The following TNR variants were observed in gnomAD, a reference collection of about 807,000 sequenced individuals.
The protein encoded by TNR is tenascin R.
Under a neutral mutation model 150.4 loss-of-function variants are expected in TNR, and 45 were observed. The observed-to-expected ratio is 0.30, with a 90% CI of 0.24 to 0.38. The LOEUF is 0.38. Among genes scored for constraint, TNR ranks in the 10% least tolerant of loss-of-function variants. The probability of loss-of-function intolerance (pLI) is 1.00; values close to 1 mark genes in which losing one functional copy is unlikely to be tolerated. For synonymous variants in TNR, 687 were observed against 678.4 expected (o/e 1.01, Z -0.20); for missense variants, 1,544 against 1,759.1 (o/e 0.88, Z 2.19).
chr1:175,493,599 C>T lies in TNR; in HGVS notation c.-64+34670G>A, dbSNP rs1157907795. On this transcript the variant is annotated intron_variant, in intron 2 of 22. Transcript: ENST00000367674. ...CCACAGGACAGCCTCTGCCAGGCCC[C>T]CTTCCGGACCCTTCCAAAACCAAAG... Among the ~76,000 whole-genome samples, 5 of 152,246 alleles carry T rather than the reference C, an allele frequency of 3.3e-5. No individual in the cohort carries two copies. In the South Asian group the frequency reaches 1.0e-3, roughly 32 times the overall value.
In TNR at chr1:175,614,002, T is replaced by C. The variant is rs74759371; in HGVS notation, c.-164-85633A>G. On this transcript the variant is annotated intron_variant, in intron 1 of 22. Coordinates refer to ENST00000367674, the MANE Select transcript of TNR (RefSeq NM_003285.3). Reference sequence around the variant, plus strand: ...AGCTATGTGGTCCTAGGCAAGTTACTTAACTTTTCTAAGCCTCCGTTTCTT... The same window carrying C: ...AGCTATGTGGTCCTAGGCAAGTTACCTAACTTTTCTAAGCCTCCGTTTCTT... Among the ~76,000 whole-genome samples the C allele has an allele frequency of 2.0e-3, 308 of 152,330 alleles. 1 individual carries two copies. Among genetic ancestry groups the C allele is most frequent in the Non-Finnish European group, 2.2e-3 (152 of 68,030 alleles).
chr1:175,638,460 G>T (rs1664552149), intron 1 of TNR, among the ~76,000 whole-genome samples: 1 of 152,210 alleles, frequency 6.6e-6, no homozygotes, highest in South Asian at 2.1e-4. Context: ...TGGCTTCGCG[G>T]TAAGTGGGCA....
chr1:175,657,483 T>G (rs1459114896), intron 1 of TNR, among the ~76,000 whole-genome samples: 3 of 152,036 alleles, frequency 2.0e-5, no homozygotes, highest in Non-Finnish European at 4.4e-5. Flanking sequence ...ATGTTTATTG[T>G]GGCACTATTC....
chr1:175,707,452 A>C (rs1317308110), intron 1 of TNR, among the ~76,000 whole-genome samples: 1 of 152,238 alleles, frequency 6.6e-6, no homozygotes, highest in Non-Finnish European at 1.5e-5. Flanking sequence ...AAAATCAAAA[A>C]TCCATAGTAA....
At chr1:175,621,273 T>C (rs370169909) in intron 1 of TNR, among the ~76,000 whole-genome samples, 4 of 152,320 alleles carry the variant, frequency 2.6e-5, no homozygotes, top group Non-Finnish European at 1.5e-5. Flanking sequence ...GCTGCCAGAC[T>C]AATCTTCCTG....
At chr1:175,512,867 T>G (rs1028730221) in intron 2 of TNR, among the ~76,000 whole-genome samples, 1 of 152,172 alleles carries the variant, frequency 6.6e-6, no homozygotes, top group Non-Finnish European at 1.5e-5. Context: ...ACACTTCCCC[T>G]TTTAGGTAAG....
intron 1 of TNR, among the ~76,000 whole-genome samples, chr1:175,636,454 T>G (rs1337994703): frequency 6.6e-6 from 1 of 152,126 alleles, no homozygotes. Flanking sequence ...AGTTTCTCCC[T>G]GAGAAGCCCC....
chr1:175,522,853 T>C (rs1401066457), intron 2 of TNR, among the ~76,000 whole-genome samples: 1 of 152,222 alleles, frequency 6.6e-6, no homozygotes, highest in Non-Finnish European at 1.5e-5. Flanking sequence ...TTTGGGGAAA[T>C]CCAGACAATT....
chr1:175,459,718 C>G lies in TNR; in HGVS notation c.-63-52941G>C, dbSNP rs190970069. Among the ~76,000 whole-genome samples the G allele has an allele frequency of 3.6e-3, 543 of 152,294 alleles. 4 individuals are homozygous for G. The highest frequency in any genetic ancestry group is 6.5e-3 in the Non-Finnish European group (442 of 68,016). ...GGGGAGCCTGAGAAAGTCTGGCAGA[C>G]AGGGGCTGTTTCTCTCCCACTCAAA... On this transcript the variant is annotated intron_variant, in intron 2 of 22. Transcript: ENST00000367674.
At chr1:175,409,958 A>T (rs899855709) in intron 2 of TNR, among the ~76,000 whole-genome samples, 4 of 152,234 alleles carry the variant, frequency 2.6e-5, no homozygotes, top group East Asian at 3.8e-4. Context: ...ATATGTGATA[A>T]TGCAACACAC....
chr1:175,740,791 C>T (rs1667905488), intron 1 of TNR, among the ~76,000 whole-genome samples: 1 of 152,198 alleles, frequency 6.6e-6, no homozygotes, highest in Admixed American at 6.5e-5. Flanking sequence ...ACATTCAGAG[C>T]CACAGAGGAC....
chr1:175,700,821 C>T (rs533453243), intron 1 of TNR, among the ~76,000 whole-genome samples: 13 of 152,338 alleles, frequency 8.5e-5, no homozygotes, highest in South Asian at 8.3e-4. Context: ...GCATTCTTCA[C>T]GTCCCACCAG....
chr1:175,530,615 TTTGAC>T (rs1660024408), intron 1 of TNR, among the ~76,000 whole-genome samples: 1 of 152,270 alleles, frequency 6.6e-6, no homozygotes, highest in Non-Finnish European at 1.5e-5. Flanking sequence ...TGCAACTTGC[TTTGAC>T]TTAACATACA....
intron 1 of TNR, among the ~76,000 whole-genome samples, chr1:175,710,923 G>A (rs528522038): frequency 1.6e-4 from 24 of 152,160 alleles, no homozygotes; most frequent in South Asian, 8.3e-4. Context: ...TGACACAGGC[G>A]TGCCTTTGCT....
chr1:175,685,356 A>T (rs1014220599), intron 1 of TNR, among the ~76,000 whole-genome samples: 1 of 152,222 alleles, frequency 6.6e-6, no homozygotes, highest in Non-Finnish European at 1.5e-5. Flanking sequence ...TCCAGCTAAC[A>T]GTTCATTCAC....
intron 1 of TNR, among the ~76,000 whole-genome samples, chr1:175,670,569 G>A (rs12403473): frequency 0.46 from 69,908 of 152,002 alleles, 16,986 homozygotes; most frequent in Admixed American, 0.57. Context: ...AGCTCCACAC[G>A]GGAACACAAA....
At chr1:175,560,080 C>G (rs952024257) in intron 1 of TNR, among the ~76,000 whole-genome samples, 1 of 152,206 alleles carries the variant, frequency 6.6e-6, no homozygotes, top group East Asian at 1.9e-4. Flanking sequence ...TTTTGTCAGA[C>G]AGTAAACCTT....
chr1:175,735,321 C>T (rs1667744516), intron 1 of TNR, among the ~76,000 whole-genome samples: 2 of 152,148 alleles, frequency 1.3e-5, no homozygotes, highest in Admixed American at 1.3e-4. Context: ...AAAGAGGGCA[C>T]CGTGACTGTC....
At chr1:175,664,386 G>A (rs779573045) in intron 1 of TNR, among the ~76,000 whole-genome samples, 42 of 152,216 alleles carry the variant, frequency 2.8e-4, no homozygotes, top group Non-Finnish European at 4.7e-4. Context: ...CATCAGGTGC[G>A]ATACATGTGT....
Sources: gnomAD v4.1 joint callset for allele counts (sites outside exome capture counted in the v4.1 genomes callset) on GRCh38, gnomAD v4.1.1 for gene constraint, MANE v1.5 for transcripts, NCBI Gene and HGNC (gene_info 2026-07-23, HGNC 2026-07-21) for gene names.